Variants in RNF152 observed in about 807,000 individuals in gnomAD.
The protein encoded by RNF152 is ring finger protein 152.
Under a neutral mutation model 12.7 loss-of-function variants are expected in RNF152, and 11 were observed. The observed-to-expected ratio is 0.86, with a 90% CI of 0.54 to 1.43. RNF152 has a LOEUF of 1.43. Ranked by LOEUF, RNF152 falls within the 40% of genes most tolerant of loss-of-function variation. The probability of loss-of-function intolerance (pLI) is 0.00; values close to 1 mark genes in which losing one functional copy is unlikely to be tolerated. For synonymous variants in RNF152, 113 were observed against 120.3 expected (o/e 0.94, Z 0.40); for missense variants, 255 against 274.8 (o/e 0.93, Z 0.51).
At chr18:61,890,395 A>C (rs11875725) in intron 1 of RNF152, 36,272 of 152,218 alleles carry the variant, frequency 0.24, 5,150 homozygotes, top group Non-Finnish European at 0.32. Context: ...TTGCTAGAGC[A>C]AGACCCTGCA....
chr18:61,812,290 C>A lies in RNF152; in HGVS notation c.*3562G>T, dbSNP rs757885992. On this transcript the variant is annotated 3_prime_UTR_variant, in exon 2 of 2. Transcript: ENST00000312828. ...TCAATGTGCCTGGTGGCTACCGTAC[C>A]AGACGGCACAGGTTTTCGAGCATTT... 1 of 152,172 alleles carries A rather than the reference C, an allele frequency of 6.6e-6. No individual in the cohort carries two copies. Among genetic ancestry groups the A allele is most frequent in the Non-Finnish European group, 1.5e-5 (1 of 68,036 alleles). The allele number at this position is 152,172 out of a possible 1,614,324, so 9.4% of individuals were successfully genotyped here. A position where few individuals can be genotyped will look rare whatever the true frequency, so the allele number is the denominator to read the frequency against.
intron 1 of RNF152, among the ~76,000 whole-genome samples, chr18:61,830,453 G>A (rs553760116): frequency 6.6e-6 from 1 of 152,220 alleles, no homozygotes; most frequent in East Asian, 1.9e-4. Flanking sequence ...CCTGTTCCAG[G>A]TACCTCATAA....
In RNF152 at chr18:61,815,008, C is replaced by G. The variant is rs1010242538; in HGVS notation, c.*844G>C. On this transcript the variant is annotated 3_prime_UTR_variant, in exon 2 of 2. Transcript: ENST00000312828. ...TCATCCCAGGATTCTTCAGCAAAGA[C>G]TCAAACACCTGAGGTAAATCAAATT... 6.6e-6 allele frequency: 1 copy of G among 152,598 alleles called. No homozygotes were observed. The highest frequency in any genetic ancestry group is 6.5e-5 in the Admixed American group (1 of 15,278). The allele number at this position is 152,598 out of a possible 1,614,324, so 9.5% of individuals were successfully genotyped here. A position where few individuals can be genotyped will look rare whatever the true frequency, so the allele number is the denominator to read the frequency against.
chr18:61,866,244 T>C (rs753816067), intron 1 of RNF152, among the ~76,000 whole-genome samples: 2 of 152,144 alleles, frequency 1.3e-5, no homozygotes, highest in Admixed American at 6.5e-5. Flanking sequence ...CTACTGCTTC[T>C]AGACAGCGAG....
At chr18:61,870,357 C>G (rs1291305037) in intron 1 of RNF152, among the ~76,000 whole-genome samples, 1 of 152,178 alleles carries the variant, frequency 6.6e-6, no homozygotes, top group African/African-American at 2.4e-5. Flanking sequence ...ATCTTCATGT[C>G]TGATGCATTT....
Position 61,856,737 on chromosome 18 carries a change from A to G in RNF152, c.-136+36058T>C, listed in dbSNP as rs2144706328. Among the ~76,000 whole-genome samples the G allele has an allele frequency of 2.0e-5, 3 of 152,198 alleles. No individual in the cohort carries two copies. In the East Asian group the frequency reaches 5.8e-4, roughly 29 times the overall value. Reference sequence around the variant, plus strand: ...CTGCAAACTTAGGCACAGAAAATGAAAAGTGGATTCACAGAGCTGCTGACA... The same window carrying G: ...CTGCAAACTTAGGCACAGAAAATGAGAAGTGGATTCACAGAGCTGCTGACA... On this transcript the variant is annotated intron_variant, in intron 1 of 1. Coordinates refer to ENST00000312828, the MANE Select transcript of RNF152 (RefSeq NM_173557.3).
At chr18:61,859,450 A>T (rs906435834) in intron 1 of RNF152, among the ~76,000 whole-genome samples, 2 of 152,222 alleles carry the variant, frequency 1.3e-5, no homozygotes, top group African/African-American at 2.4e-5. Flanking sequence ...AGAGTCAGGG[A>T]GCTGCATTCC....
intron 1 of RNF152, among the ~76,000 whole-genome samples, chr18:61,819,667 G>C (rs1909282207): frequency 6.6e-6 from 1 of 152,140 alleles, no homozygotes; most frequent in South Asian, 2.1e-4. Context: ...GTTCTGTTCA[G>C]GCCATATTCC....
intron 1 of RNF152, among the ~76,000 whole-genome samples, chr18:61,818,848 A>G (rs1599259890): frequency 6.6e-6 from 1 of 152,304 alleles, no homozygotes; most frequent in African/African-American, 2.4e-5. Context: ...GTCCCTTGTA[A>G]CTAAGATCTT....
intron 1 of RNF152, among the ~76,000 whole-genome samples, chr18:61,858,806 G>A (rs1180838195): frequency 6.6e-6 from 1 of 152,142 alleles, no homozygotes; most frequent in Non-Finnish European, 1.5e-5. Flanking sequence ...TTGCCTTGCA[G>A]ACATCATGAT....
At chr18:61,853,190 A>T (rs989703607) in intron 1 of RNF152, among the ~76,000 whole-genome samples, 16 of 151,722 alleles carry the variant, frequency 1.1e-4, no homozygotes, top group Non-Finnish European at 2.4e-4. Flanking sequence ...ATTATCTTAT[A>T]GGTCTGGAGC....
chr18:61,814,432 G>A lies in RNF152; in HGVS notation c.*1420C>T, dbSNP rs1447431680. On this transcript the variant is annotated 3_prime_UTR_variant, in exon 2 of 2. Coordinates refer to ENST00000312828, the MANE Select transcript of RNF152 (RefSeq NM_173557.3). ...ATTCCATAAAAGAAGTTAGATGAGAGCTGTAAAGCTCACAGCTATTTCTGA... is the reference window on the plus strand; with the variant it reads ...ATTCCATAAAAGAAGTTAGATGAGAACTGTAAAGCTCACAGCTATTTCTGA... 1 of 152,246 alleles carries A rather than the reference G, an allele frequency of 6.6e-6. No homozygotes were observed. Among genetic ancestry groups the A allele is most frequent in the Non-Finnish European group, 1.5e-5 (1 of 68,050 alleles). The allele number at this position is 152,246 out of a possible 1,614,324, so 9.4% of individuals were successfully genotyped here.
At chr18:61,888,827 T>C (rs1912813988) in intron 1 of RNF152, 1 of 152,228 alleles carries the variant, frequency 6.6e-6, no homozygotes, top group Non-Finnish European at 1.5e-5. Context: ...ACCTTCTTCC[T>C]TTCCGGTTTC....
intron 1 of RNF152, among the ~76,000 whole-genome samples, chr18:61,861,057 A>G (rs1401159011): frequency 2.6e-5 from 4 of 152,270 alleles, no homozygotes; most frequent in Non-Finnish European, 5.9e-5. Flanking sequence ...CAAAATTTAG[A>G]CATTTATAAA....
Position 61,864,574 on chromosome 18 carries a change from T to C in RNF152, c.-136+28221A>G, listed in dbSNP as rs1424673612. On this transcript the variant is annotated intron_variant, in intron 1 of 1. Coordinates refer to ENST00000312828, the MANE Select transcript of RNF152 (RefSeq NM_173557.3). Reference sequence around the variant, plus strand: ...TGTGTAGACATGGTCGATTAAATCATTGCCCACTGGGGACTAACTCCCTCT... The same window carrying C: ...TGTGTAGACATGGTCGATTAAATCACTGCCCACTGGGGACTAACTCCCTCT... Among the ~76,000 whole-genome samples the C allele has an allele frequency of 2.6e-5, 4 of 152,252 alleles. No homozygotes were observed. In the East Asian group the frequency reaches 7.7e-4, roughly 29 times the overall value.
intron 1 of RNF152, among the ~76,000 whole-genome samples, chr18:61,844,591 A>AT (rs909700456): frequency 2.0e-4 from 30 of 152,156 alleles, no homozygotes; most frequent in South Asian, 1.0e-3. Flanking sequence ...TTACAGTAGC[A>AT]TTTTTTTTAT....
Position 61,860,387 on chromosome 18 carries a change from G to A in RNF152, c.-136+32408C>T, listed in dbSNP as rs113312664. On this transcript the variant is annotated intron_variant, in intron 1 of 1. Transcript: ENST00000312828. ...GCAGTCACGCACCACATAACGTTTC[G>A]GTCAATAACAGATCACATAGAAGAT... Among the ~76,000 whole-genome samples, 4 of 152,250 alleles carry A rather than the reference G, an allele frequency of 2.6e-5. 1 individual carries two copies. The highest frequency in any genetic ancestry group is 9.6e-5 in the African/African-American group (4 of 41,552).
intron 1 of RNF152, among the ~76,000 whole-genome samples, chr18:61,863,566 T>G (rs1195785767): frequency 6.6e-6 from 1 of 152,110 alleles, no homozygotes; most frequent in Non-Finnish European, 1.5e-5. Context: ...GGGAAAAAAC[T>G]AAGCACATTT....
chr18:61,826,201 T>TG (rs1247118458), intron 1 of RNF152, among the ~76,000 whole-genome samples: 2 of 152,238 alleles, frequency 1.3e-5, no homozygotes, highest in Non-Finnish European at 2.9e-5. Flanking sequence ...AGAAGACTTG[T>TG]GGGGCATCCC....
Sources: allele counts gnomAD v4.1 joint callset (sites outside exome capture counted in the v4.1 genomes callset), GRCh38; gene constraint gnomAD v4.1.1; transcripts MANE v1.5; gene names NCBI Gene and HGNC (gene_info 2026-07-23, HGNC 2026-07-21).